Variants in CYP2C19 observed in about 807,000 individuals in gnomAD.
The protein encoded by CYP2C19 is cytochrome P450 family 2 subfamily C member 19, also known as cytochrome P450 2C19.
In CYP2C19, 59 loss-of-function variants were observed where a neutral mutation model predicts 40.9. The ratio of observed to expected loss-of-function variants is 1.44; its 90% CI spans 1.17 to 1.79. CYP2C19 has a LOEUF of 1.79. Among genes scored for constraint, CYP2C19 ranks in the 40% most tolerant of loss-of-function variants. CYP2C19 has a pLI of 0.00. For missense variants in CYP2C19, 754 were observed against 596.9 expected (o/e 1.26, Z -2.74); for synonymous variants, 253 against 208.7 (o/e 1.21, Z -1.83).
chr10:94,797,041 G>A (rs1412279921), intron 5 of CYP2C19, among the ~76,000 whole-genome samples: 2 of 152,096 alleles, frequency 1.3e-5, no homozygotes, highest in Admixed American at 6.5e-5. Flanking sequence ...GAATAGGAGT[G>A]GTGAGAGAGG....
Position 94,801,057 on chromosome 10 carries a change from A to C in CYP2C19, c.819+19060A>C, listed in dbSNP as rs113818910. Among the ~76,000 whole-genome samples the C allele has an allele frequency of 3.1e-3, 473 of 152,296 alleles. 3 individuals carry two copies. The highest frequency in any genetic ancestry group is 0.011 in the African/African-American group (450 of 41,564). The stretch of plus-strand genomic sequence containing the variant: ...TCCAACCAGTACCAATGAGATGAAC[A>C]AGGTACCGCAGTTGGAAGTGCAGAA... On this transcript the variant is annotated intron_variant, in intron 5 of 8. Transcript: ENST00000371321.
chr10:94,811,998 T>A (rs1056666184), intron 5 of CYP2C19, among the ~76,000 whole-genome samples: 2 of 152,340 alleles, frequency 1.3e-5, no homozygotes, highest in Admixed American at 6.5e-5. Context: ...AGTATGTTTT[T>A]GCAGTGGCTG....
chr10:94,790,836 T>G (rs1232042581), intron 5 of CYP2C19, among the ~76,000 whole-genome samples: 4 of 152,138 alleles, frequency 2.6e-5, no homozygotes, highest in Admixed American at 2.0e-4. Context: ...TTCTCTTTTT[T>G]TGTGTGTCTC....
intron 5 of CYP2C19, among the ~76,000 whole-genome samples, chr10:94,807,487 G>A (rs1848850889): frequency 6.6e-6 from 1 of 152,040 alleles, no homozygotes; most frequent in Non-Finnish European, 1.5e-5. Context: ...TTCCATCATG[G>A]CAGTACTAAT....
intron 6 of CYP2C19, among the ~76,000 whole-genome samples, chr10:94,822,071 T>G (rs1236426829): frequency 6.6e-6 from 1 of 152,198 alleles, no homozygotes; most frequent in Non-Finnish European, 1.5e-5. Context: ...ATTAGATTGC[T>G]TAGGATAATG....
chr10:94,778,914 T>C (rs1288774049), intron 3 of CYP2C19, among the ~76,000 whole-genome samples: 4 of 152,238 alleles, frequency 2.6e-5, no homozygotes, highest in Non-Finnish European at 4.4e-5. Context: ...ACATATACAC[T>C]GTGGACTACT....
intron 6 of CYP2C19, among the ~76,000 whole-genome samples, chr10:94,829,904 A>G (rs1849299358): frequency 1.3e-5 from 2 of 152,026 alleles, no homozygotes; most frequent in South Asian, 2.1e-4. Context: ...GTCTGTTGGA[A>G]TAACCTGCCG....
intron 1 of CYP2C19, among the ~76,000 whole-genome samples, chr10:94,765,655 G>A (rs1054505273): frequency 2.6e-5 from 4 of 152,102 alleles, no homozygotes; most frequent in African/African-American, 9.7e-5. Flanking sequence ...GGGAGCTGCT[G>A]CAGGGGATCC....
At chr10:94,812,479 G>T (rs1247419118) in intron 5 of CYP2C19, among the ~76,000 whole-genome samples, 1 of 151,960 alleles carries the variant, frequency 6.6e-6, no homozygotes, top group Non-Finnish European at 1.5e-5. Context: ...TTTACAACTT[G>T]GTTCCATTCT....
rs143752204 is a variant in CYP2C19 at position 94,772,334 on chromosome 10, G to A, written c.169-2724G>A. Among the ~76,000 whole-genome samples the A allele has an allele frequency of 7.1e-3, 1,073 of 152,160 alleles. 7 individuals are homozygous for A. The highest frequency in any genetic ancestry group is 0.011 in the Non-Finnish European group (750 of 68,008). On this transcript the variant is annotated intron_variant, in intron 1 of 8. Transcript: ENST00000371321. ...TTATGTCTTTCTGATTGGTGAGCCC[G>A]GGTGCCTAAAGAAGGTAACAGAGTC...
At chr10:94,813,840 A>G (rs1370061567) in intron 5 of CYP2C19, among the ~76,000 whole-genome samples, 1 of 150,090 alleles carries the variant, frequency 6.7e-6, no homozygotes, top group Admixed American at 6.6e-5. Context: ...CATAAAAAAA[A>G]CCCCTCCAGC....
At chr10:94,793,260 C>G (rs1848628489) in intron 5 of CYP2C19, among the ~76,000 whole-genome samples, 1 of 152,054 alleles carries the variant, frequency 6.6e-6, no homozygotes, top group Non-Finnish European at 1.5e-5. Flanking sequence ...TTCGTCTAAT[C>G]TTTTTTCAAG....
At chr10:94,796,989 C>T (rs1431665286) in intron 5 of CYP2C19, among the ~76,000 whole-genome samples, 1 of 152,088 alleles carries the variant, frequency 6.6e-6, no homozygotes, top group Non-Finnish European at 1.5e-5. Flanking sequence ...TAATTTCTTT[C>T]TCCTACCTGA....
chr10:94,849,756 C>T (rs982367913), intron 7 of CYP2C19, among the ~76,000 whole-genome samples, 161 bp from the exon 8 acceptor site: 1 of 151,110 alleles, frequency 6.6e-6, no homozygotes, highest in Non-Finnish European at 1.5e-5. Flanking sequence ...TAAGCTCATG[C>T]CTCTTATTAC....
chr10:94,812,109 G>A (rs1848935094), intron 5 of CYP2C19, among the ~76,000 whole-genome samples: 1 of 152,080 alleles, frequency 6.6e-6, no homozygotes, highest in African/African-American at 2.4e-5. Context: ...GTCTGTAAAG[G>A]ATGTTATTTC....
rs1049905580 is a variant in CYP2C19, at chr10:94,774,962, A to G, written c.169-96A>G. 9 of 1,313,710 alleles carry G rather than the reference A, an allele frequency of 6.9e-6. No individual in the cohort carries two copies. The African/African-American group carries it at 1.3e-4, about 19-fold the overall frequency. 81.4% of individuals were successfully genotyped at this position (1,313,710 alleles called of 1,614,324 possible). A position where few individuals can be genotyped will look rare whatever the true frequency, so the allele number is the denominator to read the frequency against. On this transcript the variant is annotated intron_variant, in intron 1 of 8. Transcript: ENST00000371321. ...ATTTGAGCCTGTGTGACTGAATAAA[A>G]GCATACAAATACAATGAAAATATGA...
At chr10:94,812,440 G>A (rs904046846) in intron 5 of CYP2C19, among the ~76,000 whole-genome samples, 37 of 151,940 alleles carry the variant, frequency 2.4e-4, no homozygotes, top group Admixed American at 2.2e-3. Flanking sequence ...GATTGTGGAA[G>A]TTCTCCTGGA....
At chr10:94,784,905 A>G (rs1403833393) in intron 5 of CYP2C19, among the ~76,000 whole-genome samples, 1 of 151,958 alleles carries the variant, frequency 6.6e-6, no homozygotes, top group Non-Finnish European at 1.5e-5. Context: ...TGTGGTTTTA[A>G]CTTGTATTTA....
At chr10:94,846,346 C>T (rs1204092224) in intron 7 of CYP2C19, among the ~76,000 whole-genome samples, 1 of 152,106 alleles carries the variant, frequency 6.6e-6, no homozygotes, top group Non-Finnish European at 1.5e-5. Context: ...CTACATAGTA[C>T]TTTGACTATT....
Sources: allele counts gnomAD v4.1 joint callset (sites outside exome capture counted in the v4.1 genomes callset), GRCh38; gene constraint gnomAD v4.1.1; transcripts MANE v1.5; gene names NCBI Gene and HGNC (gene_info 2026-07-23, HGNC 2026-07-21).